Variants in PTPRD observed in about 807,000 individuals in gnomAD.
PTPRD encodes the protein protein tyrosine phosphatase receptor type D, also known as receptor-type tyrosine-protein phosphatase delta.
A neutral mutation model predicts 214.5 loss-of-function variants in PTPRD; 34 were observed. The ratio of observed to expected loss-of-function variants is 0.16; its 90% CI spans 0.12 to 0.21. The LOEUF (loss-of-function observed/expected upper bound fraction) is 0.21, where lower values mean the gene tolerates loss of function less well. Ranked by LOEUF, PTPRD falls within the 10% of genes least tolerant of loss-of-function variation. The pLI, the probability that PTPRD is intolerant of heterozygous loss-of-function variation, is 1.00. For missense variants in PTPRD, 2,545 were observed against 2,398.7 expected (o/e 1.06, Z -1.27); for synonymous variants, 1,128 against 845.7 (o/e 1.33, Z -5.79).
intron 14 of PTPRD, among the ~76,000 whole-genome samples, chr9:8,570,897 G>A (rs2090936230): frequency 6.6e-6 from 1 of 151,848 alleles, no homozygotes. Context: ...TGGAGTTCAA[G>A]CTGAATGGGC....
chr9:9,301,705 A>G (rs943369583), intron 9 of PTPRD, among the ~76,000 whole-genome samples: 1 of 151,932 alleles, frequency 6.6e-6, no homozygotes, highest in African/African-American at 2.4e-5. Flanking sequence ...CTATGGACAG[A>G]ACTTTCATCT....
chr9:8,763,861 G>A (rs997426265), intron 11 of PTPRD, among the ~76,000 whole-genome samples: 2 of 152,000 alleles, frequency 1.3e-5, no homozygotes, highest in East Asian at 1.9e-4. Context: ...GCCACAAAAT[G>A]TATTTCCTTT....
chr9:9,026,158 G>T (rs1337896067), intron 10 of PTPRD, among the ~76,000 whole-genome samples: 1 of 151,840 alleles, frequency 6.6e-6, no homozygotes, highest in African/African-American at 2.4e-5. Flanking sequence ...AATTTGAGCT[G>T]AGATCTTAAC....
In PTPRD at chr9:8,684,466, A is replaced by G. The variant is rs966047883; in HGVS notation, c.65-47622T>C. The stretch of plus-strand genomic sequence containing the variant: ...CCCCATGATACTCCTCTTTCCTTCA[A>G]TGATATCCCTCTTTCTTTCCCCTAC... On this transcript the variant is annotated intron_variant, in intron 12 of 45. Transcript: ENST00000381196. 4.0e-5 allele frequency among the ~76,000 whole-genome samples: 6 copies of G among 149,088 alleles called. No individual in the cohort carries two copies. In the East Asian group the frequency reaches 9.7e-4, roughly 24 times the overall value.
chr9:8,485,561 G>A (rs1198946233), intron 28 of PTPRD: 3 of 630,346 alleles, frequency 4.8e-6, no homozygotes, highest in East Asian at 2.7e-5. Flanking sequence ...ACATTGGGGT[G>A]CTGTCAGCCA....
chr9:8,782,746 C>G (rs1374397373), intron 11 of PTPRD, among the ~76,000 whole-genome samples: 4 of 151,960 alleles, frequency 2.6e-5, no homozygotes, highest in African/African-American at 9.7e-5. Flanking sequence ...TACAGGCGCA[C>G]ACCACCACCT....
intron 8 of PTPRD, among the ~76,000 whole-genome samples, chr9:9,474,772 A>C (rs2094899832): frequency 6.6e-6 from 1 of 151,924 alleles, no homozygotes. Flanking sequence ...TACTAATTTT[A>C]TGTTAATTTT....
intron 44 of PTPRD, among the ~76,000 whole-genome samples, chr9:8,327,543 T>G (rs1442209744): frequency 6.6e-6 from 1 of 152,094 alleles, no homozygotes; most frequent in African/African-American, 2.4e-5. Context: ...TAGATGTGTA[T>G]TATTAGGTCT....
intron 9 of PTPRD, among the ~76,000 whole-genome samples, chr9:9,226,320 T>G (rs960180912): frequency 4.0e-5 from 6 of 151,888 alleles, no homozygotes; most frequent in Non-Finnish European, 8.8e-5. Context: ...ATGAAAAATC[T>G]AATATCAGGG....
intron 3 of PTPRD, among the ~76,000 whole-genome samples, chr9:10,219,638 T>A (rs535039998): frequency 6.6e-6 from 1 of 151,982 alleles, no homozygotes; most frequent in African/African-American, 2.4e-5. Context: ...TTCCTATTAA[T>A]CAAATAAATT....
chr9:9,103,243 A>G (rs1283915094), intron 10 of PTPRD, among the ~76,000 whole-genome samples: 1 of 152,242 alleles, frequency 6.6e-6, no homozygotes, highest in East Asian at 1.9e-4. Flanking sequence ...TTTGAGAAAA[A>G]GGGATTAAGG....
At chr9:8,720,191 T>A (rs185871671) in intron 12 of PTPRD, among the ~76,000 whole-genome samples, 359 of 152,324 alleles carry the variant, frequency 2.4e-3, no homozygotes, top group African/African-American at 8.2e-3. Flanking sequence ...GGCTTGGCTC[T>A]TATATCTAGC....
intron 2 of PTPRD, among the ~76,000 whole-genome samples, chr9:10,349,263 TG>T (rs1333445661): frequency 4.7e-5 from 4 of 85,102 alleles, no homozygotes; most frequent in East Asian, 4.0e-4. Context: ...GGGTGGGGGG[TG>T]GGGGGCATCC....
At position 8,907,019 on chromosome 9, in the gene PTPRD, C is replaced by T. The variant is rs138970931; in HGVS notation, c.-104+111678G>A. Among the ~76,000 whole-genome samples, 1,279 of 151,980 alleles carry T rather than the reference C, an allele frequency of 8.4e-3. 28 individuals carry two copies. The highest frequency in any genetic ancestry group is 0.053 in the Admixed American group (812 of 15,238). On this transcript the variant is annotated intron_variant, in intron 11 of 45. Coordinates refer to ENST00000381196, the MANE Select transcript of PTPRD (RefSeq NM_002839.4). ...AAGTTAGGACAGAATTGAAAACTGC[C>T]GAAATTTTGCATATGTTTCTCAACC...
intron 10 of PTPRD, among the ~76,000 whole-genome samples, chr9:9,123,407 T>A (rs933128852): frequency 5.9e-5 from 9 of 152,178 alleles, no homozygotes; most frequent in African/African-American, 2.2e-4. Flanking sequence ...CTCAGTACAA[T>A]AAGTCGCATA....
chr9:8,453,599 T>G (rs114139834), intron 33 of PTPRD, among the ~76,000 whole-genome samples: 1 of 152,216 alleles, frequency 6.6e-6, no homozygotes, highest in African/African-American at 2.4e-5. Context: ...GACACCCTCA[T>G]AGAGGTTTAA....
intron 9 of PTPRD, among the ~76,000 whole-genome samples, chr9:9,394,944 C>A (rs573516270): frequency 5.3e-5 from 8 of 152,128 alleles, no homozygotes; most frequent in Admixed American, 2.0e-4. Flanking sequence ...GCAGTGAAAT[C>A]AAATGAATTT....
At chr9:8,795,440 T>C (rs1196670440) in intron 11 of PTPRD, among the ~76,000 whole-genome samples, 2 of 152,100 alleles carry the variant, frequency 1.3e-5, no homozygotes, top group Non-Finnish European at 2.9e-5. Context: ...AGTGGTGGGA[T>C]TACAGGTGTG....
At chr9:10,184,671 T>G (rs1018695061) in intron 3 of PTPRD, among the ~76,000 whole-genome samples, 4 of 152,224 alleles carry the variant, frequency 2.6e-5, no homozygotes, top group African/African-American at 7.2e-5. Flanking sequence ...TACTCTTAGT[T>G]CCTTCCCCCA....
Sources: gnomAD v4.1 joint callset for allele counts (sites outside exome capture counted in the v4.1 genomes callset) on GRCh38, gnomAD v4.1.1 for gene constraint, MANE v1.5 for transcripts, NCBI Gene and HGNC (gene_info 2026-07-23, HGNC 2026-07-21) for gene names.